TNS3: variants seen among roughly 807,000 people sequenced by gnomAD.
TNS3 encodes the protein tensin-3.
In TNS3, 45 loss-of-function variants were observed where a neutral mutation model predicts 140.9. That is an observed-to-expected ratio of 0.32 (90% confidence interval 0.25 to 0.41). TNS3 has a LOEUF of 0.41. Among genes scored for constraint, TNS3 ranks in the 10% least tolerant of loss-of-function variants. The pLI, the probability that TNS3 is intolerant of heterozygous loss-of-function variation, is 1.00. For synonymous variants in TNS3, 815 were observed against 788.4 expected (o/e 1.03, Z -0.56); for missense variants, 1,716 against 1,906.7 (o/e 0.90, Z 1.86).
chr7:47,545,458 G>A (rs1399993429), intron 1 of TNS3, among the ~76,000 whole-genome samples: 7 of 150,340 alleles, frequency 4.7e-5, no homozygotes, highest in Non-Finnish European at 1.0e-4. Flanking sequence ...CTCTGTTACT[G>A]TTTGATGTGG....
intron 17 of TNS3, among the ~76,000 whole-genome samples, chr7:47,360,044 G>A (rs1185678937): frequency 1.3e-5 from 2 of 152,166 alleles, no homozygotes; most frequent in African/African-American, 4.8e-5. Flanking sequence ...AGAGTATCTG[G>A]GGCAAATGGA....
At chr7:47,425,417 C>A (rs569576364) in intron 9 of TNS3, among the ~76,000 whole-genome samples, 76 of 152,084 alleles carry the variant, frequency 5.0e-4, no homozygotes, top group African/African-American at 1.7e-3. Flanking sequence ...ATAAGCACTG[C>A]GGACTTCATA....
intron 16 of TNS3, among the ~76,000 whole-genome samples, chr7:47,374,148 C>T (rs1791236514): frequency 6.6e-6 from 1 of 152,198 alleles, no homozygotes; most frequent in South Asian, 2.1e-4. Flanking sequence ...AAACAAAAGT[C>T]ATGACCTAAA....
chr7:47,377,497 C>T (rs932502139), intron 16 of TNS3, among the ~76,000 whole-genome samples: 9 of 152,120 alleles, frequency 5.9e-5, no homozygotes, highest in African/African-American at 9.7e-5. Context: ...GAAATATTTG[C>T]GTCTTGATAG....
chr7:47,499,213 G>C (rs1798123799), intron 3 of TNS3, among the ~76,000 whole-genome samples: 1 of 152,250 alleles, frequency 6.6e-6, no homozygotes, highest in Non-Finnish European at 1.5e-5. Context: ...CAGACTCTGG[G>C]AGTCAGGAGT....
At chr7:47,536,426 A>C (rs73695382) in intron 1 of TNS3, among the ~76,000 whole-genome samples, 5,876 of 152,084 alleles carry the variant, frequency 0.039, 397 homozygotes, top group African/African-American at 0.13. Context: ...CGTCCTGTGG[A>C]CCACAGAGCA....
At chr7:47,521,322 C>T (rs1042703363) in intron 2 of TNS3, among the ~76,000 whole-genome samples, 4 of 152,192 alleles carry the variant, frequency 2.6e-5, no homozygotes, top group Non-Finnish European at 5.9e-5. Context: ...AGACTCCGAG[C>T]CCTTCGAAGC....
intron 1 of TNS3, among the ~76,000 whole-genome samples, chr7:47,530,376 C>T (rs889168272): frequency 6.6e-6 from 1 of 152,066 alleles, no homozygotes; most frequent in Non-Finnish European, 1.5e-5. Context: ...AATAAACAAG[C>T]ATCAGTAAGC....
intron 15 of TNS3, among the ~76,000 whole-genome samples, chr7:47,398,395 C>G (rs972198355): frequency 7.9e-5 from 12 of 151,932 alleles, no homozygotes; most frequent in Admixed American, 6.6e-5. Flanking sequence ...AGACAAATAT[C>G]CCTGATGAAC....
chr7:47,579,329 C>T (rs1266251076), intron 1 of TNS3: 1 of 151,956 alleles, frequency 6.6e-6, no homozygotes, highest in African/African-American at 2.4e-5. Context: ...GTCAGCTGAC[C>T]TCCTGGAGAG....
chr7:47,482,852 T>C (rs1461437440), intron 3 of TNS3, among the ~76,000 whole-genome samples: 2 of 152,206 alleles, frequency 1.3e-5, no homozygotes, highest in Non-Finnish European at 2.9e-5. Flanking sequence ...TGATTTCAAC[T>C]CTGTGACATT....
chr7:47,449,945 CAACT>C (rs990089288), intron 4 of TNS3, among the ~76,000 whole-genome samples: 14 of 152,286 alleles, frequency 9.2e-5, no homozygotes, highest in Admixed American at 8.5e-4. Flanking sequence ...TGCAAGAAAA[CAACT>C]AACTGTGAAT....
At chr7:47,463,854 T>C (rs62448374) in intron 4 of TNS3, among the ~76,000 whole-genome samples, 23,243 of 152,172 alleles carry the variant, frequency 0.15, 1,826 homozygotes, top group African/African-American at 0.17. Flanking sequence ...AGGAGGCTAA[T>C]TTGCAAATAT....
At chr7:47,506,568 G>A (rs1015891707) in intron 3 of TNS3, among the ~76,000 whole-genome samples, 6 of 151,692 alleles carry the variant, frequency 4.0e-5, no homozygotes, top group African/African-American at 9.7e-5. Flanking sequence ...GGACCTCCCT[G>A]CTCCTGCCCT....
At chr7:47,500,760 A>G (rs1798182716) in intron 3 of TNS3, among the ~76,000 whole-genome samples, 1 of 152,190 alleles carries the variant, frequency 6.6e-6, no homozygotes, top group Non-Finnish European at 1.5e-5. Context: ...ACGCAGGGCC[A>G]GGGATTTTCC....
intron 20 of TNS3, among the ~76,000 whole-genome samples, chr7:47,331,951 C>T (rs1788367823): frequency 6.6e-6 from 1 of 152,136 alleles, no homozygotes; most frequent in South Asian, 2.1e-4. Context: ...TTGGTAATGC[C>T]CTCAAAGGCT....
At chr7:47,323,990 A>G (rs1366534939) in intron 20 of TNS3, among the ~76,000 whole-genome samples, 1 of 152,234 alleles carries the variant, frequency 6.6e-6, no homozygotes, top group African/African-American at 2.4e-5. Flanking sequence ...TGACATTGAC[A>G]TCCTTGGTCC....
chr7:47,385,767 C>T (rs969924371), intron 16 of TNS3, among the ~76,000 whole-genome samples: 2 of 152,210 alleles, frequency 1.3e-5, no homozygotes, highest in African/African-American at 2.4e-5. Context: ...GCCCATCACT[C>T]GGTGGCTCCC....
At chr7:47,339,387 G>C (rs1242146962) in intron 20 of TNS3, among the ~76,000 whole-genome samples, 4 of 152,102 alleles carry the variant, frequency 2.6e-5, no homozygotes, top group African/African-American at 9.7e-5. Flanking sequence ...TGAGCCTTTG[G>C]TGGCTGTTCA....
Sources: allele counts gnomAD v4.1 joint callset (sites outside exome capture counted in the v4.1 genomes callset), GRCh38; gene constraint gnomAD v4.1.1; transcripts MANE v1.5; gene names NCBI Gene and HGNC (gene_info 2026-07-23, HGNC 2026-07-21).